The following OR6K3 variants were observed in gnomAD, a reference collection of about 807,000 sequenced individuals.
OR6K3 encodes olfactory receptor family 6 subfamily K member 3.
For synonymous variants in OR6K3, 169 were observed against 137.7 expected, an observed-to-expected ratio of 1.23 and a Z score of -1.59; for missense variants, 396 against 382.5, an observed-to-expected ratio of 1.04 and a Z score of -0.29.
chr1:158,719,836 T>G (rs184864401), intron 1 of OR6K3, among the ~76,000 whole-genome samples: 3 of 152,200 alleles, frequency 2.0e-5, no homozygotes, highest in African/African-American at 7.2e-5. Flanking sequence ...GTATACGGTA[T>G]TATTACGTCA....
At chr1:158,724,557 GA>G, upstream of OR6K3, 1 of 264,992 alleles carries the variant, frequency 3.8e-6, no homozygotes, top group East Asian at 1.0e-4. Flanking sequence ...TGGGTCCACA[GA>G]AGGGCAGTGT....
At chr1:158,721,378 T>C (rs560603951), upstream of OR6K3, among the ~76,000 whole-genome samples, 5 of 152,066 alleles carry the variant, frequency 3.3e-5, no homozygotes, top group Admixed American at 1.3e-4. Flanking sequence ...CATCCACTGA[T>C]CTGTTGAAAT....
chr1:158,721,091 C>A (rs1170263528), upstream of OR6K3, among the ~76,000 whole-genome samples: 7 of 151,934 alleles, frequency 4.6e-5, no homozygotes, highest in African/African-American at 1.7e-4. Flanking sequence ...TATGAACACA[C>A]AGATTTGGAA....
chr1:158,719,803 T>G (rs1020208722), intron 1 of OR6K3, among the ~76,000 whole-genome samples: 1 of 152,090 alleles, frequency 6.6e-6, no homozygotes, highest in African/African-American at 2.4e-5. Flanking sequence ...CATTTTATAA[T>G]AACAATAGAA....
rs746672452 is a variant in OR6K3, at chr1:158,717,996, A to C, written c.120T>G (p.Ile40Met). ...CAGCAGAGAAGATTAATAAGTTATCAATGATAATAAAAGTATAGATGAAAA... is the reference window on the plus strand; with the variant it reads ...CAGCAGAGAAGATTAATAAGTTATCCATGATAATAAAAGTATAGATGAAAA... The part of the protein sequence containing the change: ...PLLFIYTFII[I>M]DNLLIFSAVR... Residue 40 changes from isoleucine to methionine, a missense_variant, in exon 2 of 2, where the codon ATT (isoleucine) becomes ATG (methionine). By Grantham distance (10) the Ile-to-Met change is conservative. Coordinates refer to ENST00000368145, the MANE Select transcript of OR6K3 (RefSeq NM_001005327.3). The C allele has an allele frequency of 1.2e-6, 2 of 1,612,464 alleles. No individual in the cohort carries two copies. The highest frequency in any genetic ancestry group is 1.7e-6 in the Non-Finnish European group (2 of 1,178,814).
rs765599672 is a variant in OR6K3 at position 158,717,292 on chromosome 1, A to G, written c.824T>C (p.Leu275Pro). The change falls in exon 2 of 2, where the codon CTG becomes CCG. Residue 275 changes from leucine (L) to proline (P), a missense_variant. Coordinates refer to ENST00000368145, the MANE Select transcript of OR6K3 (RefSeq NM_001005327.3). Reference protein sequence around the residue: ...YPPVLDTAIALMFTVLAPFFN... With the variant: ...YPPVLDTAIAPMFTVLAPFFN... ...GAATGGAGCAAGTACAGTAAACATCAGTGCAATGGCTGTGTCCAAAACTGG... is the reference window on the plus strand; with the variant it reads ...GAATGGAGCAAGTACAGTAAACATCGGTGCAATGGCTGTGTCCAAAACTGG... 4 of 1,613,706 alleles carry G rather than the reference A, an allele frequency of 2.5e-6. No homozygotes were observed. In the South Asian group the frequency reaches 3.3e-5, roughly 13 times the overall value.
In OR6K3 at chr1:158,717,994, T is replaced by C. The variant is rs772314123; in HGVS notation, c.122A>G (p.Asp41Gly). The change falls in exon 2 of 2, where the codon GAT becomes GGT. Residue 41 changes from aspartate (D) to glycine (G), a missense_variant. Asp to Gly is a moderately conservative substitution (Grantham distance 94). Coordinates refer to ENST00000368145, the MANE Select transcript of OR6K3 (RefSeq NM_001005327.3). ...LLFIYTFIIIDNLLIFSAVRL... is the reference protein window; with the variant it reads ...LLFIYTFIIIGNLLIFSAVRL... ...TACAGCAGAGAAGATTAATAAGTTA[T>C]CAATGATAATAAAAGTATAGATGAA... is the stretch of plus-strand genomic sequence containing the variant. 6.2e-7 allele frequency: 1 copy of C among 1,612,500 alleles called. No homozygotes were observed. The highest frequency in any genetic ancestry group is 1.1e-5 in the South Asian group (1 of 91,028).
At chr1:158,722,635 T>G (rs1396960438), upstream of OR6K3, among the ~76,000 whole-genome samples, 1 of 152,034 alleles carries the variant, frequency 6.6e-6, no homozygotes, top group African/African-American at 2.4e-5. Context: ...TGTTTTCTTG[T>G]CCAACACCGG....
intron 1 of OR6K3, among the ~76,000 whole-genome samples, chr1:158,719,137 G>A (rs1320890510): frequency 2.0e-5 from 3 of 151,900 alleles, no homozygotes; most frequent in Admixed American, 6.6e-5. Flanking sequence ...CTCAAGGGAC[G>A]TGACGCCCAG....
upstream of OR6K3, among the ~76,000 whole-genome samples, chr1:158,722,755 G>A (rs1190845748): frequency 5.3e-5 from 8 of 151,746 alleles, no homozygotes; most frequent in East Asian, 1.6e-3. Flanking sequence ...ATAATGCTTT[G>A]GTTTAACTTA....
chr1:158,723,713 G>C (rs1243598455), upstream of OR6K3, among the ~76,000 whole-genome samples: 2 of 151,952 alleles, frequency 1.3e-5, no homozygotes, highest in African/African-American at 4.8e-5. Flanking sequence ...GCAATATGTG[G>C]CATCACTGAA....
chr1:158,718,173 G>A, intron 1 of OR6K3, 41 bp from the exon 2 acceptor site: 1 of 1,035,730 alleles, frequency 9.7e-7, no homozygotes, highest in African/African-American at 1.6e-5. Context: ...TGAGAGGGTA[G>A]AGAAAAAAAT....
At chr1:158,720,797 C>T (rs952520064), upstream of OR6K3, 14 of 152,026 alleles carry the variant, frequency 9.2e-5, no homozygotes, top group African/African-American at 3.4e-4. Context: ...CAGGGAATAA[C>T]AGGAAAGGGA....
chr1:158,717,524 C>T lies in OR6K3; in HGVS notation c.592G>A (p.Glu198Lys). Residue 198 changes from glutamate (E) to lysine (K), a missense_variant, in exon 2 of 2, where the codon GAG becomes AAG. By Grantham distance (56) the Glu-to-Lys change is moderately conservative (BLOSUM62 1). Coordinates refer to ENST00000368145, the MANE Select transcript of OR6K3 (RefSeq NM_001005327.3). ...ATGGTCACAGCATGAATCACATCCT[C>T]AATCAGAATCATGGACGTGTCTGTA... ...ACTDTSMILI[E>K]DVIHAVTIII... 3 of 1,613,648 alleles carry T rather than the reference C, an allele frequency of 1.9e-6. No individual in the cohort carries two copies. The South Asian group carries it at 3.3e-5, about 18-fold the overall frequency.
chr1:158,721,548 T>G (rs887741360), upstream of OR6K3, among the ~76,000 whole-genome samples: 8 of 151,770 alleles, frequency 5.3e-5, no homozygotes, highest in Non-Finnish European at 8.8e-5. Context: ...AACTTGTAGG[T>G]TTTTTTTAAT....
rs1656166066 is a variant in OR6K3, at chr1:158,717,153, A to G, written c.*15T>C. ...AACAAAACAAAAGCAACGGAAGGGA[A>G]CCTGTGGCTCTGTATTAACCTCCAG... On this transcript the variant is annotated 3_prime_UTR_variant, in exon 2 of 2. Coordinates refer to ENST00000368145, the MANE Select transcript of OR6K3 (RefSeq NM_001005327.3). 2.0e-6 allele frequency: 3 copies of G among 1,535,082 alleles called. No homozygotes were observed. The highest frequency in any genetic ancestry group is 2.3e-5 in the East Asian group (1 of 44,380).
chr1:158,719,043 G>A (rs1255566342), intron 1 of OR6K3, among the ~76,000 whole-genome samples: 1 of 151,958 alleles, frequency 6.6e-6, no homozygotes, highest in Non-Finnish European at 1.5e-5. Flanking sequence ...AATTACTAAT[G>A]GAAACTATCC....
chr1:158,723,945 T>C (rs1471557830), upstream of OR6K3, among the ~76,000 whole-genome samples: 3 of 152,122 alleles, frequency 2.0e-5, no homozygotes, highest in Admixed American at 6.6e-5. Flanking sequence ...AGACAGGTAG[T>C]CCATGCTATC....
chr1:158,721,717 A>T (rs960926827), upstream of OR6K3, among the ~76,000 whole-genome samples: 6 of 151,986 alleles, frequency 3.9e-5, no homozygotes, highest in South Asian at 6.2e-4. Flanking sequence ...TAGAATTTTC[A>T]TAATCATATT....
Sources: allele counts gnomAD v4.1 joint callset (sites outside exome capture counted in the v4.1 genomes callset), GRCh38; gene constraint gnomAD v4.1.1; transcripts MANE v1.5; gene names NCBI Gene and HGNC (gene_info 2026-07-23, HGNC 2026-07-21).